The following MGAT5 variants were observed in gnomAD, a reference collection of about 807,000 sequenced individuals.
MGAT5 encodes the protein alpha-1,6-mannosylglycoprotein 6-beta-N-acetylglucosaminyltransferase A.
Under a neutral mutation model 94.3 loss-of-function variants are expected in MGAT5, and 30 were observed. That is an observed-to-expected ratio of 0.32 (90% CI 0.24 to 0.43). The LOEUF (loss-of-function observed/expected upper bound fraction) is 0.43, where lower values mean the gene tolerates loss of function less well. Ranked by LOEUF, MGAT5 falls within the 20% of genes least tolerant of loss-of-function variation. MGAT5 has a pLI of 1.00. For synonymous variants in MGAT5, 310 were observed against 322.9 expected (o/e 0.96, Z 0.43); for missense variants, 691 against 905.5 (o/e 0.76, Z 3.04).
At chr2:134,408,668 CTGGA>C (rs529760479) in intron 11 of MGAT5, among the ~76,000 whole-genome samples, 5 of 152,170 alleles carry the variant, frequency 3.3e-5, no homozygotes, top group Non-Finnish European at 5.9e-5. Flanking sequence ...TAGAGCCAGC[CTGGA>C]TGGAAGAGAG....
chr2:134,398,761 G>A (rs1682861290), intron 10 of MGAT5, among the ~76,000 whole-genome samples: 2 of 152,170 alleles, frequency 1.3e-5, no homozygotes, highest in Non-Finnish European at 2.9e-5. Flanking sequence ...ATGGCAGTCT[G>A]TAGTTTGCAG....
chr2:134,284,660 T>C (rs564073708), intron 2 of MGAT5, among the ~76,000 whole-genome samples: 1 of 152,248 alleles, frequency 6.6e-6, no homozygotes, highest in African/African-American at 2.4e-5. Context: ...AATACTTTAT[T>C]AGTTCTTTCC....
intron 9 of MGAT5, among the ~76,000 whole-genome samples, chr2:134,361,535 T>C: frequency 6.6e-6 from 1 of 152,220 alleles, no homozygotes; most frequent in Non-Finnish European, 1.5e-5. Context: ...GTGGGGTTGC[T>C]GTCCCCCTTG....
At chr2:134,350,937 C>A (rs183146973) in intron 9 of MGAT5, among the ~76,000 whole-genome samples, 153 of 152,280 alleles carry the variant, frequency 1.0e-3, no homozygotes, top group Non-Finnish European at 1.9e-3. Context: ...CCTTCCTGAT[C>A]TTCTTCCCAT....
chr2:134,272,045 A>C (rs1331281475), intron 2 of MGAT5, among the ~76,000 whole-genome samples: 1 of 152,054 alleles, frequency 6.6e-6, no homozygotes, highest in Non-Finnish European at 1.5e-5. Flanking sequence ...CTCTATAAAC[A>C]CATCTGCTGT....
At chr2:134,294,972 G>A (rs547131084) in intron 2 of MGAT5, among the ~76,000 whole-genome samples, 63 of 152,286 alleles carry the variant, frequency 4.1e-4, no homozygotes, top group African/African-American at 1.4e-3. Context: ...TAAGGTGGAC[G>A]CGTCAACTTA....
intron 15 of MGAT5, 91 bp downstream of exon 15, chr2:134,442,006 C>A: frequency 7.1e-7 from 1 of 1,415,680 alleles, no homozygotes; most frequent in Non-Finnish European, 9.8e-7. Context: ...GTTTCCTCTT[C>A]CAAGCTACTG....
intron 14 of MGAT5, among the ~76,000 whole-genome samples, chr2:134,430,689 C>G (rs1558881797): frequency 6.8e-6 from 1 of 147,048 alleles, no homozygotes; most frequent in Non-Finnish European, 1.5e-5. Context: ...ATAGGCCTTT[C>G]TGCAGAGATC....
chr2:134,273,634 G>A (rs1004159590), intron 2 of MGAT5, among the ~76,000 whole-genome samples: 1 of 152,054 alleles, frequency 6.6e-6, no homozygotes, highest in Non-Finnish European at 1.5e-5. Flanking sequence ...GTGTGTGTGT[G>A]TGTGTGTGTG....
chr2:134,323,440 C>T (rs1004459295), intron 4 of MGAT5, among the ~76,000 whole-genome samples: 15 of 152,032 alleles, frequency 9.9e-5, no homozygotes, highest in Admixed American at 1.3e-4. Flanking sequence ...GAAACCAGTC[C>T]CCAACAGATA....
intron 10 of MGAT5, among the ~76,000 whole-genome samples, chr2:134,377,582 C>T (rs1681263592): frequency 6.6e-6 from 1 of 152,178 alleles, no homozygotes; most frequent in African/African-American, 2.4e-5. Flanking sequence ...AGTTTTATGA[C>T]CACGGCTCCT....
intron 2 of MGAT5, among the ~76,000 whole-genome samples, chr2:134,301,119 A>G (rs1273532809): frequency 3.3e-5 from 5 of 152,138 alleles, no homozygotes; most frequent in Non-Finnish European, 7.4e-5. Context: ...ATCTTACAGT[A>G]TGAACATTTT....
rs906767776 is a variant in MGAT5 at position 134,175,754 on chromosome 2, C to G, written c.-143+55463C>G. 2.0e-5 allele frequency among the ~76,000 whole-genome samples: 3 copies of G among 152,192 alleles called. 1 individual carries two copies. The highest frequency in any genetic ancestry group is 4.4e-5 in the Non-Finnish European group (3 of 68,034). ...GAATAATTTCTCTTTTCTCTCCAAG[C>G]CAGGTTTGGGATTTCTCCATGTGTG... On this transcript the variant is annotated intron_variant, in intron 1 of 16. Coordinates refer to the MGAT5 transcript ENST00000409645.
intron 9 of MGAT5, among the ~76,000 whole-genome samples, chr2:134,361,642 G>T (rs1209692979): frequency 1.3e-5 from 2 of 152,180 alleles, no homozygotes; most frequent in Non-Finnish European, 2.9e-5. Flanking sequence ...CTTTGCAGTG[G>T]TTGGATTTTT....
Position 134,257,836 on chromosome 2 carries a change from C to CCTTTTTTTTTTTTTTTTTTTTTTTTTTTT in MGAT5, c.241+3192_241+3193insCTTTTTTTTTTTTTTTTTTTTTTTTTTTT, listed in dbSNP as rs781189819. ...TGCATAGGCCATTAGTTTGCAGTCTCTTTTTTTTTTTTTTTTTTTGCCATA... is the reference window on the plus strand; with the variant it reads ...TGCATAGGCCATTAGTTTGCAGTCTCCTTTTTTTTTTTTTTTTTTTTTTTTTTTTTTTTTTTTTTTTTTTTTTTGCCATA... On this transcript the variant is annotated intron_variant, in intron 1 of 15. Coordinates refer to ENST00000281923, the MANE Select transcript of MGAT5 (RefSeq NM_002410.5). Among the ~76,000 whole-genome samples the CCTTTTTTTTTTTTTTTTTTTTTTTTTTTT allele has an allele frequency of 3.8e-5, 4 of 106,414 alleles. 2 individuals are homozygous for CCTTTTTTTTTTTTTTTTTTTTTTTTTTTT. Among genetic ancestry groups the CCTTTTTTTTTTTTTTTTTTTTTTTTTTTT allele is most frequent in the Non-Finnish European group, 3.7e-5 (2 of 54,240 alleles). The allele number at this position is 106,414 out of a possible 152,430, so 69.8% of individuals were successfully genotyped here. A position where few individuals can be genotyped will look rare whatever the true frequency, so the allele number is the denominator to read the frequency against.
chr2:134,300,321 C>T (rs16830360), intron 2 of MGAT5, among the ~76,000 whole-genome samples: 28,542 of 152,072 alleles, frequency 0.19, 2,816 homozygotes, highest in Middle Eastern at 0.39. Context: ...AATCTGAAGT[C>T]GGGTGATTTC....
chr2:134,273,498 T>G (rs1052385366), intron 2 of MGAT5, among the ~76,000 whole-genome samples: 3 of 152,200 alleles, frequency 2.0e-5, no homozygotes, highest in Admixed American at 2.0e-4. Context: ...TGTTTCTGAT[T>G]GCTTATTGTT....
At chr2:134,350,091 T>TTTTTTGTTTTTGTTTTTGTTTTTG (rs10530206) in intron 9 of MGAT5, among the ~76,000 whole-genome samples, 153 bp downstream of exon 9, 2 of 151,598 alleles carry the variant, frequency 1.3e-5, no homozygotes, top group East Asian at 1.9e-4. Flanking sequence ...CTGAATTTGT[T>TTTTTTGTTTTTGTTTTTGTTTTTG]TTTTTGTTTT....
At chr2:134,219,236 A>C (rs943978224) in intron 1 of MGAT5, among the ~76,000 whole-genome samples, 1 of 152,104 alleles carries the variant, frequency 6.6e-6, no homozygotes, top group Non-Finnish European at 1.5e-5. Flanking sequence ...AAGAGAGCAC[A>C]TGTGGCAGGT....
Sources: gnomAD v4.1 joint callset for allele counts (sites outside exome capture counted in the v4.1 genomes callset) on GRCh38, gnomAD v4.1.1 for gene constraint, MANE v1.5 for transcripts, NCBI Gene and HGNC (gene_info 2026-07-23, HGNC 2026-07-21) for gene names.